The following AGPS variants were observed in gnomAD, a reference collection of about 807,000 sequenced individuals.
AGPS encodes the protein alkyldihydroxyacetonephosphate synthase, peroxisomal.
AGPS carries 26 observed loss-of-function variants against 90.7 expected under a neutral mutation model. That is an observed-to-expected ratio of 0.29 (90% CI 0.21 to 0.40). The LOEUF (loss-of-function observed/expected upper bound fraction) is 0.40. Ranked by LOEUF, AGPS falls within the 10% of genes least tolerant of loss-of-function variation. AGPS has a pLI of 1.00. For missense variants in AGPS, 540 were observed against 816.1 expected (o/e 0.66, Z 4.12); for synonymous variants, 294 against 285.3 (o/e 1.03, Z -0.31).
chr2:177,529,478 AAAAAG>A (rs1359601697), intron 19 of AGPS, among the ~76,000 whole-genome samples: 6 of 152,302 alleles, frequency 3.9e-5, no homozygotes, highest in East Asian at 1.9e-4. Flanking sequence ...TCTCTTAAAA[AAAAAG>A]AAAAGAAAAA....
chr2:177,441,456 G>C (rs1686597712), intron 6 of AGPS: 1 of 154,422 alleles, frequency 6.5e-6, no homozygotes, highest in African/African-American at 2.4e-5. Context: ...TCCCTCTTCA[G>C]CTGATGCTTT....
At chr2:177,513,672 G>A in intron 16 of AGPS, 147 bp from the exon 17 acceptor site, 2 of 650,390 alleles carry the variant, frequency 3.1e-6, no homozygotes, top group Non-Finnish European at 5.4e-6. Context: ...AGTGATCAGG[G>A]CTCTTTTCCA....
intron 1 of AGPS, among the ~76,000 whole-genome samples, chr2:177,409,389 T>C (rs1230164036): frequency 3.2e-4 from 1 of 3,128 alleles, no homozygotes; most frequent in Non-Finnish European, 9.1e-4. Flanking sequence ...ATGATTTGAC[T>C]TTTTTTTTTT....
intron 19 of AGPS, among the ~76,000 whole-genome samples, chr2:177,528,039 T>C (rs1175244059): frequency 6.6e-6 from 1 of 152,242 alleles, no homozygotes; most frequent in African/African-American, 2.4e-5. Flanking sequence ...CTATTTTTTT[T>C]CTCTTCTAAA....
At chr2:177,444,617 TTTTTGTATTGTA>T (rs58462401) in intron 7 of AGPS, among the ~76,000 whole-genome samples, 130,514 of 151,344 alleles carry the variant, frequency 0.86, 56,478 homozygotes, top group East Asian at 0.95. Flanking sequence ...GCAACTGCTA[TTTTTGTATTGTA>T]TTTTGTATTG....
rs942034486 is a variant in AGPS at position 177,542,431 on chromosome 2, C to T, written c.*4236C>T. ...ATTCCTTAACAAATCAGAGTAAGGA[C>T]CACTGACATATAGAACCCTCAAGCC... On this transcript the variant is annotated 3_prime_UTR_variant, in exon 20 of 20. Transcript: ENST00000264167. The T allele has an allele frequency of 2.6e-5, 4 of 152,154 alleles. No homozygotes were observed. The highest frequency in any genetic ancestry group is 9.7e-5 in the African/African-American group (4 of 41,424). The allele number at this position is 152,154 out of a possible 1,614,324, so 9.4% of individuals were successfully genotyped here. A position where few individuals can be genotyped will look rare whatever the true frequency, so the allele number is the denominator to read the frequency against.
chr2:177,506,912 G>C (rs1688733283), intron 15 of AGPS, among the ~76,000 whole-genome samples: 1 of 151,912 alleles, frequency 6.6e-6, no homozygotes, highest in South Asian at 2.1e-4. Context: ...ACTGAATTCA[G>C]AATTCTAGAA....
intron 1 of AGPS, among the ~76,000 whole-genome samples, chr2:177,416,516 G>GT (rs549888581): frequency 1.2e-3 from 175 of 150,672 alleles, no homozygotes; most frequent in Middle Eastern, 3.4e-3. Flanking sequence ...CAGGAGGAGG[G>GT]TTTTTTTTTG....
intron 1 of AGPS, among the ~76,000 whole-genome samples, chr2:177,405,020 A>G (rs892515497): frequency 6.6e-6 from 1 of 152,222 alleles, no homozygotes; most frequent in African/African-American, 2.4e-5. Flanking sequence ...GGTGCCAAAG[A>G]ACCCAAGGGT....
At chr2:177,394,830 A>G (rs1685124208) in intron 1 of AGPS, among the ~76,000 whole-genome samples, 1 of 152,236 alleles carries the variant, frequency 6.6e-6, no homozygotes, top group South Asian at 2.1e-4. Context: ...TGCCTGTTAC[A>G]TAACCTTTCA....
chr2:177,445,486 A>T, intron 7 of AGPS, 60 bp from the exon 8 acceptor site: 1 of 1,414,542 alleles, frequency 7.1e-7, no homozygotes, highest in Non-Finnish European at 1.0e-6. Flanking sequence ...AGGAAGTTAT[A>T]TTTCCTGAGA....
chr2:177,470,317 T>C (rs1326637806), intron 10 of AGPS, among the ~76,000 whole-genome samples: 2 of 152,164 alleles, frequency 1.3e-5, no homozygotes, highest in Non-Finnish European at 2.9e-5. Context: ...ATTTGAACTT[T>C]TATCTAAAAG....
At chr2:177,406,354 T>TA (rs1347297766) in intron 1 of AGPS, among the ~76,000 whole-genome samples, 8 of 152,204 alleles carry the variant, frequency 5.3e-5, no homozygotes, top group Non-Finnish European at 1.0e-4. Flanking sequence ...TCAGTGGAGA[T>TA]ATATAGATAT....
In AGPS at chr2:177,468,443, A is replaced by T; in HGVS notation, c.1024A>T (p.Arg342Ter). 1 of 1,611,480 alleles carries T rather than the reference A, an allele frequency of 6.2e-7. No individual in the cohort carries two copies. ...GGTTCATATAAAAATGGTAACACCT[A>T]GAGGTATAATAGAAAAAAGCTGTCA... ...LVVHIKMVTP[R>*]GIIEKSCQGP... Residue 342 changes from arginine (R) to a stop codon, truncating the protein, a stop_gained, in exon 10 of 20, where the codon AGA (arginine) becomes TGA (stop). Coordinates refer to ENST00000264167, the MANE Select transcript of AGPS (RefSeq NM_003659.4). LOFTEE classifies it high-confidence loss of function.
chr2:177,431,444 G>A (rs958906900), intron 2 of AGPS, among the ~76,000 whole-genome samples: 1 of 152,112 alleles, frequency 6.6e-6, no homozygotes, highest in East Asian at 1.9e-4. Context: ...CGAGAGCAGA[G>A]AACCGGTCTG....
At chr2:177,486,239 A>G (rs1688089304) in intron 11 of AGPS, among the ~76,000 whole-genome samples, 1 of 152,238 alleles carries the variant, frequency 6.6e-6, no homozygotes, top group South Asian at 2.1e-4. Context: ...ACAGTTTTGG[A>G]AACCTACATA....
rs768094548 is a variant in AGPS at position 177,499,656 on chromosome 2, A to G, written c.1401A>G (p.Thr467=). The G allele has an allele frequency of 1.9e-6, 3 of 1,611,834 alleles. No individual in the cohort carries two copies. The highest frequency in any genetic ancestry group is 1.7e-6 in the Non-Finnish European group (2 of 1,178,720). The change falls in exon 14 of 20, where the codon ACA becomes ACG. Residue 467 remains threonine (T), a synonymous_variant. Transcript: ENST00000264167. ...GFDPNQLSVA[T]LLFEGDREKV... ...ACCCAAATCAGCTAAGTGTAGCCAC[A>G]TTACTGTTTGAGGGGGATCGTGAGA... is the stretch of plus-strand genomic sequence containing the variant.
At chr2:177,503,506 G>C (rs1688620938) in intron 14 of AGPS, among the ~76,000 whole-genome samples, 1 of 151,996 alleles carries the variant, frequency 6.6e-6, no homozygotes, top group Non-Finnish European at 1.5e-5. Context: ...CTTTAAATTT[G>C]TTTAAAAACC....
rs145242564 is a variant in AGPS, at chr2:177,452,200, T to C, written c.870+6574T>C. Among the ~76,000 whole-genome samples the C allele has an allele frequency of 6.6e-3, 1,003 of 152,332 alleles. 10 individuals carry two copies. The highest frequency in any genetic ancestry group is 0.024 in the African/African-American group (977 of 41,570). ...GTCTTTAAATGTCTGTTAGGTCAGA[T>C]TGACTTATAATGTAATTCAGGTCTC... On this transcript the variant is annotated intron_variant, in intron 8 of 19. Transcript: ENST00000264167.
Sources: allele counts gnomAD v4.1 joint callset (sites outside exome capture counted in the v4.1 genomes callset), GRCh38; gene constraint gnomAD v4.1.1; transcripts MANE v1.5; gene names NCBI Gene and HGNC (gene_info 2026-07-23, HGNC 2026-07-21).